The following DORIP1 variants were observed in gnomAD, a reference collection of about 807,000 sequenced individuals.
DORIP1 encodes the protein dopamine receptor-interacting protein 1.
At chr14:44,900,511 G>A in the DORIP1 span, 809 of 1,592,954 alleles carry the variant, frequency 5.1e-4, 3 homozygotes, top group African/African-American at 9.5e-3. Flanking sequence ...TTGTAGGCCT[G>A]TTCTTCCTTG....
chr14:44,905,285 T>C, the DORIP1 span: 1 of 922,474 alleles, frequency 1.1e-6, no homozygotes, highest in Non-Finnish European at 1.6e-6. Flanking sequence ...TCAATGTTTT[T>C]ATTCCTTAGT....
At chr14:44,904,316 G>A in the DORIP1 span, 2 of 1,511,824 alleles carry the variant, frequency 1.3e-6, no homozygotes, top group East Asian at 4.6e-5. Context: ...GAAAATTAAA[G>A]TCATAAAGAC....
chr14:44,904,173 GT>G, the DORIP1 span: 3 of 985,312 alleles, frequency 3.0e-6, no homozygotes, highest in Non-Finnish European at 3.6e-6. Context: ...ATTTCCTGGA[GT>G]TTTAAACGTG....
chr14:44,905,995 C>T, the DORIP1 span: 1 of 148,164 alleles, frequency 6.7e-6, no homozygotes, highest in Admixed American at 6.9e-5. Flanking sequence ...CCCTACCTCA[C>T]TATAATCCAA....
chr14:44,905,397 C>T, the DORIP1 span: 1 of 1,540,434 alleles, frequency 6.5e-7, no homozygotes, highest in Non-Finnish European at 8.8e-7. Flanking sequence ...CATTATTTAA[C>T]AAAGAGGAAC....
chr14:44,906,639 T>C, the DORIP1 span: 2 of 152,616 alleles, frequency 1.3e-5, no homozygotes, highest in African/African-American at 4.8e-5. Context: ...GGAAAAAATA[T>C]TCTCAAGGGA....
At chr14:44,903,143 G>A in the DORIP1 span, 3 of 1,188,768 alleles carry the variant, frequency 2.5e-6, no homozygotes, top group East Asian at 7.1e-5. Context: ...TGTAAAATTT[G>A]TTATAATATA....
At chr14:44,903,525 A>G in the DORIP1 span, 1 of 1,115,508 alleles carries the variant, frequency 9.0e-7, no homozygotes, top group Non-Finnish European at 1.1e-6. Flanking sequence ...CTGAGTAGGT[A>G]CAATAAAACC....
the DORIP1 span, among the ~76,000 whole-genome samples, chr14:44,897,840 T>C: frequency 1.3e-5 from 2 of 152,188 alleles, no homozygotes; most frequent in Non-Finnish European, 2.9e-5. Context: ...GTCCGCCTTG[T>C]CCCTGTCCCG....
the DORIP1 span, among the ~76,000 whole-genome samples, chr14:44,899,783 A>G: frequency 6.6e-6 from 1 of 151,710 alleles, no homozygotes; most frequent in Non-Finnish European, 1.5e-5. Flanking sequence ...AATATGCCTA[A>G]CCAAAGTTAA....
At chr14:44,900,749 A>C in the DORIP1 span, 1 of 1,614,078 alleles carries the variant, frequency 6.2e-7, no homozygotes, top group Non-Finnish European at 8.5e-7. Context: ...ACAACTGTGA[A>C]GCTACTTTGG....
At chr14:44,905,337 T>G in the DORIP1 span, 4 of 1,352,136 alleles carry the variant, frequency 3.0e-6, no homozygotes, top group Non-Finnish European at 4.0e-6. Flanking sequence ...GTATTAAATT[T>G]TCTCTCATAC....
the DORIP1 span, chr14:44,905,311 T>A: frequency 5.6e-4 from 663 of 1,174,192 alleles, no homozygotes; most frequent in Non-Finnish European, 7.4e-4. Context: ...ATTTAAGGAA[T>A]GTTTATCTTA....
At chr14:44,905,979 T>G in the DORIP1 span, 2 of 150,448 alleles carry the variant, frequency 1.3e-5, no homozygotes, top group Admixed American at 1.3e-4. Flanking sequence ...TGACTGTATT[T>G]CTTTGCCCTA....
At chr14:44,899,823 AATTTTTTTTT>A in the DORIP1 span, among the ~76,000 whole-genome samples, 1 of 134,446 alleles carries the variant, frequency 7.4e-6, no homozygotes, top group African/African-American at 3.4e-5. Flanking sequence ...TTCATTTAGG[AATTTTTTTTT>A]TTTTTTTTTT....
the DORIP1 span, chr14:44,906,666 T>G: frequency 1.3e-5 from 2 of 152,598 alleles, no homozygotes; most frequent in Non-Finnish European, 2.9e-5. Flanking sequence ...TTTTTGAAAT[T>G]TATCACCATT....
the DORIP1 span, chr14:44,903,453 A>G: frequency 7.3e-7 from 1 of 1,364,982 alleles, no homozygotes; most frequent in Non-Finnish European, 9.5e-7. Flanking sequence ...TACATAGAAT[A>G]TGGTACTACA....
At chr14:44,897,515 AGGC>A in the DORIP1 span, 44 of 203,140 alleles carry the variant, frequency 2.2e-4, no homozygotes, top group South Asian at 5.7e-4. Context: ...CTCCATGAGC[AGGC>A]GGCGGCGGCG....
chr14:44,900,574 C>T, the DORIP1 span: 1 of 1,611,538 alleles, frequency 6.2e-7, no homozygotes, highest in South Asian at 1.1e-5. Flanking sequence ...CTGTACACCA[C>T]TCTATGTTGA....
Sources: allele counts gnomAD v4.1 joint callset (sites outside exome capture counted in the v4.1 genomes callset), GRCh38; gene constraint gnomAD v4.1.1; transcripts MANE v1.5; gene names NCBI Gene and HGNC (gene_info 2026-07-23, HGNC 2026-07-21).